The following ANKFN1 variants were observed in gnomAD, a reference collection of about 807,000 sequenced individuals.
ANKFN1 encodes ankyrin repeat and fibronectin type-III domain-containing protein 1.
In ANKFN1, 74 loss-of-function variants were observed where a neutral mutation model predicts 108.7. The ratio of observed to expected loss-of-function variants is 0.68; its 90% CI spans 0.56 to 0.83. ANKFN1 has a LOEUF of 0.83. Among genes scored for constraint, ANKFN1 ranks in the 40% least tolerant of loss-of-function variants. The pLI, the probability that ANKFN1 is intolerant of heterozygous loss-of-function variation, is 0.00. For synonymous variants in ANKFN1, 547 were observed against 516.2 expected, an observed-to-expected ratio of 1.06 and a Z score of -0.81; for missense variants, 1,505 against 1,382.3, an observed-to-expected ratio of 1.09 and a Z score of -1.41.
intron 4 of ANKFN1, among the ~76,000 whole-genome samples, chr17:56,080,317 G>T (rs939734804): frequency 2.6e-5 from 4 of 152,114 alleles, no homozygotes; most frequent in Non-Finnish European, 5.9e-5. Context: ...AAGAATATAT[G>T]TACAAGGATT....
intron 18 of ANKFN1, among the ~76,000 whole-genome samples, chr17:56,488,947 A>T (rs1367216138): frequency 6.6e-6 from 1 of 152,238 alleles, no homozygotes; most frequent in Non-Finnish European, 1.5e-5. Context: ...TATGTGCCAT[A>T]TGCTGTGCTG....
At chr17:56,189,527 AG>A (rs745763430) in intron 1 of ANKFN1, among the ~76,000 whole-genome samples, 1 of 152,182 alleles carries the variant, frequency 6.6e-6, no homozygotes, top group Non-Finnish European at 1.5e-5. Context: ...AAGGGGATGC[AG>A]GGACCCTCAC....
At chr17:56,177,089 G>A (rs1227941003) in intron 1 of ANKFN1, among the ~76,000 whole-genome samples, 1 of 152,170 alleles carries the variant, frequency 6.6e-6, no homozygotes, top group African/African-American at 2.4e-5. Flanking sequence ...GCCCCCAGGT[G>A]AAAGGCCCCC....
intron 1 of ANKFN1, chr17:56,185,067 C>A (rs1351937602): frequency 6.6e-6 from 1 of 152,206 alleles, no homozygotes; most frequent in Non-Finnish European, 1.5e-5. Context: ...AATCCGCCAT[C>A]TTTGCTTTTT....
At chr17:56,431,149 T>C (rs1259080212) in intron 8 of ANKFN1, among the ~76,000 whole-genome samples, 2 of 152,130 alleles carry the variant, frequency 1.3e-5, no homozygotes, top group Non-Finnish European at 2.9e-5. Flanking sequence ...CATCCAGACC[T>C]TGTAGGCCAG....
At chr17:56,395,542 A>C (rs1259301262) in intron 8 of ANKFN1, among the ~76,000 whole-genome samples, 1 of 152,220 alleles carries the variant, frequency 6.6e-6, no homozygotes, top group Admixed American at 6.5e-5. Flanking sequence ...TGGAAAAACC[A>C]ATATAATAAT....
chr17:56,125,916 G>A (rs1906899233), intron 4 of ANKFN1, among the ~76,000 whole-genome samples: 2 of 152,180 alleles, frequency 1.3e-5, no homozygotes, highest in South Asian at 4.1e-4. Flanking sequence ...AAGGTGGTCT[G>A]GGGACAGTCC....
chr17:56,315,957 C>A (rs545961287), intron 3 of ANKFN1, among the ~76,000 whole-genome samples: 1 of 152,306 alleles, frequency 6.6e-6, no homozygotes, highest in Non-Finnish European at 1.5e-5. Context: ...CTTCAACTTT[C>A]TTTTTGTTTT....
intron 4 of ANKFN1, among the ~76,000 whole-genome samples, chr17:56,340,653 T>C (rs2045936466): frequency 6.6e-6 from 1 of 152,100 alleles, no homozygotes; most frequent in South Asian, 2.1e-4. Context: ...TTCTTTTCCA[T>C]TGGTCTATGT....
intron 8 of ANKFN1, among the ~76,000 whole-genome samples, chr17:56,384,280 C>A (rs1035617004): frequency 6.6e-6 from 1 of 152,150 alleles, no homozygotes; most frequent in Non-Finnish European, 1.5e-5. Context: ...ATTCAACAAC[C>A]CTTCATGCTA....
chr17:56,333,075 TATTAG>T (rs1233687570), intron 4 of ANKFN1, among the ~76,000 whole-genome samples: 1 of 151,940 alleles, frequency 6.6e-6, no homozygotes, highest in African/African-American at 2.4e-5. Flanking sequence ...TTTATAGATT[TATTAG>T]ATTATTCTAT....
At chr17:56,135,151 A>G (rs1907524407) in intron 4 of ANKFN1, among the ~76,000 whole-genome samples, 1 of 152,202 alleles carries the variant, frequency 6.6e-6, no homozygotes, top group African/African-American at 2.4e-5. Context: ...AATAAAATAA[A>G]TCAAAGAATC....
chr17:56,242,917 T>C (rs1377024354), intron 3 of ANKFN1, among the ~76,000 whole-genome samples: 1 of 152,136 alleles, frequency 6.6e-6, no homozygotes, highest in Non-Finnish European at 1.5e-5. Flanking sequence ...TTTCTGCCTC[T>C]ATGGAGATGA....
intron 10 of ANKFN1, among the ~76,000 whole-genome samples, chr17:56,444,094 A>G (rs2049203224): frequency 5.3e-5 from 8 of 152,232 alleles, no homozygotes; most frequent in Admixed American, 5.2e-4. Flanking sequence ...ATGAAGCGTC[A>G]TGTGTGGTAG....
intron 1 of ANKFN1, among the ~76,000 whole-genome samples, chr17:56,187,857 T>C (rs555238941): frequency 6.7e-6 from 1 of 150,106 alleles, no homozygotes; most frequent in African/African-American, 2.5e-5. Flanking sequence ...CTGCATGTTC[T>C]CACCCATAGG....
In ANKFN1 at chr17:56,087,001, T is replaced by C. The variant is rs1224431592; in HGVS notation, c.288+40676T>C. On this transcript the variant is annotated intron_variant, in intron 4 of 12. Transcript: ENST00000635860. ...CAGTATTTATCTGGCAGAAAGTTTT[T>C]GAAGATCATCGATGATATGTCTAAA... Among the ~76,000 whole-genome samples the C allele has an allele frequency of 4.0e-5, 6 of 151,294 alleles. No individual in the cohort carries two copies. In the East Asian group the frequency reaches 1.2e-3, roughly 29 times the overall value.
intron 18 of ANKFN1, among the ~76,000 whole-genome samples, chr17:56,489,848 T>A (rs1392849372): frequency 6.6e-6 from 1 of 152,100 alleles, no homozygotes; most frequent in Non-Finnish European, 1.5e-5. Context: ...TTGAAAGGCA[T>A]AAAGACACAT....
intron 8 of ANKFN1, among the ~76,000 whole-genome samples, chr17:56,432,774 A>G (rs2048801639): frequency 6.6e-6 from 1 of 151,916 alleles, no homozygotes; most frequent in Non-Finnish European, 1.5e-5. Context: ...TCACTGTGCC[A>G]CTCCTGTGTC....
intron 11 of ANKFN1, among the ~76,000 whole-genome samples, chr17:56,455,703 A>T (rs1432001432): frequency 2.0e-5 from 3 of 152,206 alleles, no homozygotes; most frequent in Admixed American, 1.3e-4. Context: ...CTGTTATAGG[A>T]AGTATAGGAA....
Sources: gnomAD v4.1 joint callset for allele counts (sites outside exome capture counted in the v4.1 genomes callset) on GRCh38, gnomAD v4.1.1 for gene constraint, MANE v1.5 for transcripts, NCBI Gene and HGNC (gene_info 2026-07-23, HGNC 2026-07-21) for gene names.